NEXMIF: variants seen among roughly 807,000 people sequenced by gnomAD.
The protein encoded by NEXMIF is neurite extension and migration factor, also known as XLMR protein related to neurite extension.
In NEXMIF, 8 loss-of-function variants were observed where a neutral mutation model predicts 62.1. The ratio of observed to expected loss-of-function variants is 0.13; its 90% CI spans 0.08 to 0.23. NEXMIF has a LOEUF of 0.23. Among genes scored for constraint, NEXMIF ranks in the 10% least tolerant of loss-of-function variants. The pLI is 1.00. For synonymous variants in NEXMIF, 404 were observed against 416.6 expected (o/e 0.97, Z 0.37); for missense variants, 976 against 1,113.3 (o/e 0.88, Z 1.75).
intron 1 of NEXMIF, among the ~76,000 whole-genome samples, chrX:74,886,420 C>A (rs2080693626): frequency 8.9e-6 from 1 of 111,892 alleles, no homozygotes. Flanking sequence ...AGCCCAAAAT[C>A]TCCTCAAGCT....
chrX:74,892,482 G>A (rs945482715), intron 1 of NEXMIF, among the ~76,000 whole-genome samples: 2 of 111,817 alleles, frequency 1.8e-5, no homozygotes, highest in Non-Finnish European at 3.8e-5. Context: ...TTTTATACCC[G>A]TAAACCCTAA....
chrX:74,912,305 T>C (rs1330485296), intron 1 of NEXMIF, among the ~76,000 whole-genome samples: 1 of 111,364 alleles, frequency 9.0e-6, no homozygotes, highest in African/African-American at 3.3e-5. Context: ...GAATACCCTT[T>C]TCACAACTCA....
At chrX:74,902,331 T>G (rs1315116832) in intron 1 of NEXMIF, among the ~76,000 whole-genome samples, 1 of 109,657 alleles carries the variant, frequency 9.1e-6, no homozygotes, top group Non-Finnish European at 1.9e-5. Context: ...TCAGCTCTGA[T>G]GCATGTATGT....
chrX:74,847,669 A>G (rs1382423747), intron 1 of NEXMIF, among the ~76,000 whole-genome samples: 1 of 111,885 alleles, frequency 8.9e-6, no homozygotes, highest in Admixed American at 9.5e-5. Flanking sequence ...ATCGCAGCCC[A>G]CATATGTTGT....
rs772296037 is a variant in NEXMIF at position 74,793,586 on chromosome X, C to T, written c.-47-47889G>A. 3.4e-3 allele frequency among the ~76,000 whole-genome samples: 375 copies of T among 111,061 alleles called. 2 individuals carry two copies. Among genetic ancestry groups the T allele is most frequent in the African/African-American group, 0.012 (357 of 30,591 alleles). On this transcript the variant is annotated intron_variant, in intron 1 of 3. Coordinates refer to ENST00000055682, the MANE Select transcript of NEXMIF (RefSeq NM_001008537.3). Reference sequence around the variant, plus strand: ...TGCAGAGTGTTTTCCAACTTGGTTCCATTCTCCCCGTCACTTTCAGGTACA... The same window carrying T: ...TGCAGAGTGTTTTCCAACTTGGTTCTATTCTCCCCGTCACTTTCAGGTACA...
intron 1 of NEXMIF, among the ~76,000 whole-genome samples, chrX:74,781,413 A>G (rs2080246330): frequency 8.9e-6 from 1 of 112,119 alleles, no homozygotes; most frequent in East Asian, 2.8e-4. Flanking sequence ...GATCAGAGGA[A>G]GAGTGGAGGG....
chrX:74,877,132 G>T (rs1194378415), intron 1 of NEXMIF, among the ~76,000 whole-genome samples: 3 of 111,706 alleles, frequency 2.7e-5, no homozygotes, highest in Admixed American at 9.5e-5. Flanking sequence ...GCTGGTACAG[G>T]TCGTTCCTTT....
chrX:74,830,061 C>A (rs1947910277), intron 1 of NEXMIF, among the ~76,000 whole-genome samples: 1 of 111,232 alleles, frequency 9.0e-6, no homozygotes, highest in Non-Finnish European at 1.9e-5. Context: ...TGATATGATC[C>A]CATTTGTCCA....
intron 1 of NEXMIF, among the ~76,000 whole-genome samples, chrX:74,760,886 A>ATTT (rs2147449729): frequency 1.0e-5 from 1 of 99,325 alleles, no homozygotes; most frequent in East Asian, 3.2e-4. Flanking sequence ...TTATTTATTT[A>ATTT]AGATGGAGTC....
intron 1 of NEXMIF, among the ~76,000 whole-genome samples, chrX:74,786,260 T>C (rs2080259962): frequency 8.9e-6 from 1 of 111,977 alleles, no homozygotes; most frequent in Non-Finnish European, 1.9e-5. Flanking sequence ...GGAGTTTTCA[T>C]AGATTTATAT....
chrX:74,750,681 A>C (rs1197650793), intron 1 of NEXMIF, among the ~76,000 whole-genome samples: 1 of 111,684 alleles, frequency 9.0e-6, no homozygotes, highest in Non-Finnish European at 1.9e-5. Flanking sequence ...AGCACATTCT[A>C]ATCCATAACT....
intron 1 of NEXMIF, among the ~76,000 whole-genome samples, chrX:74,877,627 C>G (rs1187581706): frequency 9.0e-6 from 1 of 111,563 alleles, no homozygotes; most frequent in Admixed American, 9.5e-5. Flanking sequence ...TTCAGGTACA[C>G]CAATCAGACG....
intron 1 of NEXMIF, among the ~76,000 whole-genome samples, chrX:74,833,703 G>C (rs2080446520): frequency 9.0e-6 from 1 of 111,266 alleles, no homozygotes; most frequent in African/African-American, 3.3e-5. Context: ...CTGGTGGTAT[G>C]ATTTAATTGT....
At position 74,745,626 on chromosome X, in the gene NEXMIF, T is replaced by C. The variant is rs1284374791; in HGVS notation, c.25A>G (p.Ile9Val). 5.0e-6 allele frequency: 6 copies of C among 1,195,486 alleles called. No homozygotes were observed. In the South Asian group the frequency reaches 8.8e-5, roughly 18 times the overall value. The change falls in exon 2 of 4, where the codon ATT becomes GTT. Residue 9 changes from isoleucine (I) to valine (V), a missense_variant. Coordinates refer to ENST00000055682, the MANE Select transcript of NEXMIF (RefSeq NM_001008537.3). MDNQQDKAIVASANGENTL... is the reference protein window; with the variant it reads MDNQQDKAVVASANGENTL... Reference sequence around the variant, plus strand: ...TTTTCTCCGTTGGCTGAGGCAACAATAGCCTTATCTTGTTGGTTATCCATG... The same window carrying C: ...TTTTCTCCGTTGGCTGAGGCAACAACAGCCTTATCTTGTTGGTTATCCATG...
At chrX:74,809,248 C>T (rs974025754) in intron 1 of NEXMIF, among the ~76,000 whole-genome samples, 3 of 111,924 alleles carry the variant, frequency 2.7e-5, no homozygotes, top group African/African-American at 9.7e-5. Context: ...TCTTAACATT[C>T]CCTTGTCACA....
intron 1 of NEXMIF, among the ~76,000 whole-genome samples, chrX:74,799,163 C>A (rs1283555349): frequency 1.8e-5 from 2 of 111,218 alleles, no homozygotes; most frequent in Admixed American, 9.5e-5. Context: ...TCACACCTGG[C>A]CACTAATGCT....
intron 1 of NEXMIF, among the ~76,000 whole-genome samples, chrX:74,886,704 C>T (rs1200404426): frequency 9.0e-6 from 1 of 110,506 alleles, no homozygotes; most frequent in Non-Finnish European, 1.9e-5. Context: ...GAATCAATAT[C>T]ATGACAATGG....
chrX:74,836,918 C>T (rs1010153305), intron 1 of NEXMIF, among the ~76,000 whole-genome samples: 2 of 110,928 alleles, frequency 1.8e-5, no homozygotes, highest in Admixed American at 1.9e-4. Flanking sequence ...CCTAGGACCC[C>T]AGAGCTCTTT....
At chrX:74,791,165 T>A (rs1215224354) in intron 1 of NEXMIF, among the ~76,000 whole-genome samples, 4 of 111,613 alleles carry the variant, frequency 3.6e-5, no homozygotes, top group African/African-American at 9.8e-5. Flanking sequence ...ATACCTAATT[T>A]ATTGAGAGTT....
Sources: gnomAD v4.1 joint callset for allele counts (sites outside exome capture counted in the v4.1 genomes callset) on GRCh38, gnomAD v4.1.1 for gene constraint, MANE v1.5 for transcripts, NCBI Gene and HGNC (gene_info 2026-07-23, HGNC 2026-07-21) for gene names.